Variants in CPS1 observed in about 807,000 individuals in gnomAD.
CPS1 encodes the protein carbamoyl-phosphate synthase [ammonia], mitochondrial.
CPS1 carries 109 observed loss-of-function variants against 174.6 expected under a neutral mutation model. That is an observed-to-expected ratio of 0.62 (90% confidence interval 0.53 to 0.73). The LOEUF is 0.73. CPS1 is among the 30% of genes least tolerant of loss of function. CPS1 has a pLI of 0.00. For missense variants in CPS1, 1,689 were observed against 1,821.9 expected, an observed-to-expected ratio of 0.93 and a Z score of 1.33; for synonymous variants, 637 against 632.0, an observed-to-expected ratio of 1.01 and a Z score of -0.12.
chr2:210,583,257 A>G (rs1180885946), intron 6 of CPS1, among the ~76,000 whole-genome samples: 1 of 152,204 alleles, frequency 6.6e-6, no homozygotes, highest in Non-Finnish European at 1.5e-5. Flanking sequence ...ATAAAAAGGT[A>G]AAGAATACAT....
rs553847255 is a variant in CPS1, at chr2:210,613,559, T to C, written c.2568+1266T>C. Among the ~76,000 whole-genome samples the C allele has an allele frequency of 4.2e-5, 6 of 141,388 alleles. No homozygotes were observed. The East Asian group carries it at 1.2e-3, about 28-fold the overall frequency. The allele number at this position is 141,388 out of a possible 152,430, so 92.8% of individuals were successfully genotyped here. A position where few individuals can be genotyped will look rare whatever the true frequency, so the allele number is the denominator to read the frequency against. ...TAAGAAGCAGCTCATGACATTCATA[T>C]GTGTGTGTGTGTGTGTATATATATA... On this transcript the variant is annotated intron_variant, in intron 20 of 37. Coordinates refer to ENST00000233072, the MANE Select transcript of CPS1 (RefSeq NM_001875.5).
chr2:210,655,807 T>G (rs1165681200), intron 29 of CPS1, among the ~76,000 whole-genome samples: 3 of 152,176 alleles, frequency 2.0e-5, no homozygotes, highest in Non-Finnish European at 2.9e-5. Flanking sequence ...GTAATTTATT[T>G]AAGTCTTTTA....
chr2:210,613,987 A>G (rs1185976810), intron 20 of CPS1, among the ~76,000 whole-genome samples: 1 of 151,934 alleles, frequency 6.6e-6, no homozygotes, highest in Non-Finnish European at 1.5e-5. Context: ...AAAAGAATGA[A>G]GGGAGTGTGT....
chr2:210,656,692 G>A, intron 30 of CPS1, 60 bp downstream of exon 30: 2 of 1,132,290 alleles, frequency 1.8e-6, no homozygotes, highest in Non-Finnish European at 2.6e-6. Flanking sequence ...AAACACCTAA[G>A]GTTTTTTTTT....
At chr2:210,537,812 T>C (rs1469118032) in intron 1 of CPS1, among the ~76,000 whole-genome samples, 2 of 147,526 alleles carry the variant, frequency 1.4e-5, no homozygotes, top group Non-Finnish European at 2.9e-5. Flanking sequence ...CTACAAGACA[T>C]GTGCTGTTTC....
intron 1 of CPS1, among the ~76,000 whole-genome samples, chr2:210,502,255 G>A (rs111470616): frequency 0.016 from 2,408 of 151,708 alleles, 50 homozygotes; most frequent in African/African-American, 0.05. Flanking sequence ...TTTCCTTCTC[G>A]AATTAATGCT....
intron 7 of CPS1, 144 bp downstream of exon 7, chr2:210,588,291 A>G: frequency 1.3e-6 from 1 of 769,206 alleles, no homozygotes; most frequent in East Asian, 2.7e-5. Context: ...GATTTACAAA[A>G]TAACACATTT....
chr2:210,522,477 T>C (rs942553012), intron 1 of CPS1, among the ~76,000 whole-genome samples: 5 of 151,910 alleles, frequency 3.3e-5, no homozygotes, highest in African/African-American at 1.2e-4. Context: ...GCCAAGAGAA[T>C]TGCATTTTCA....
At chr2:210,610,321 G>A (rs1021307413) in intron 19 of CPS1, among the ~76,000 whole-genome samples, 2 of 151,856 alleles carry the variant, frequency 1.3e-5, no homozygotes, top group Admixed American at 1.3e-4. Flanking sequence ...AAAGGTAGGG[G>A]GGAGTTTTGT....
intron 23 of CPS1, 26 bp from the exon 24 acceptor site, chr2:210,639,970 G>A (rs768355602): frequency 2.0e-6 from 3 of 1,535,486 alleles, no homozygotes; most frequent in Admixed American, 3.3e-5. Flanking sequence ...AATGATTTCT[G>A]CATCTTCCTT....
At chr2:210,516,544 A>G (rs1695686983) in intron 1 of CPS1, among the ~76,000 whole-genome samples, 1 of 151,878 alleles carries the variant, frequency 6.6e-6, no homozygotes, top group Non-Finnish European at 1.5e-5. Flanking sequence ...GATTTTTCTA[A>G]CACGCATATC....
intron 1 of CPS1, among the ~76,000 whole-genome samples, chr2:210,528,736 C>G (rs538952837): frequency 6.6e-6 from 1 of 151,038 alleles, no homozygotes; most frequent in Non-Finnish European, 1.5e-5. Flanking sequence ...CTCTATTTTC[C>G]TAATTACTTC....
chr2:210,564,749 T>G (rs1174424051), intron 1 of CPS1, among the ~76,000 whole-genome samples: 1 of 151,014 alleles, frequency 6.6e-6, no homozygotes, highest in Non-Finnish European at 1.5e-5. Flanking sequence ...TTCCAGCACT[T>G]TGGAAAGCCA....
At chr2:210,547,746 T>A (rs1228405315) in intron 1 of CPS1, among the ~76,000 whole-genome samples, 1 of 152,092 alleles carries the variant, frequency 6.6e-6, no homozygotes, top group Non-Finnish European at 1.5e-5. Flanking sequence ...TTTTTATTTG[T>A]CATTTATTTA....
intron 21 of CPS1, among the ~76,000 whole-genome samples, chr2:210,634,652 C>T (rs1357374792): frequency 1.3e-5 from 2 of 152,170 alleles, no homozygotes; most frequent in Non-Finnish European, 2.9e-5. Context: ...CAGCACCTCT[C>T]ATGATGTAGA....
chr2:210,660,851 T>A (rs1285471919), intron 32 of CPS1, among the ~76,000 whole-genome samples, 196 bp downstream of exon 32: 1 of 152,196 alleles, frequency 6.6e-6, no homozygotes, highest in Non-Finnish European at 1.5e-5. Flanking sequence ...TTCAAAAAAA[T>A]TTTTAAAACC....
intron 29 of CPS1, among the ~76,000 whole-genome samples, chr2:210,655,237 C>T (rs915830663): frequency 6.6e-6 from 1 of 152,070 alleles, no homozygotes; most frequent in Non-Finnish European, 1.5e-5. Flanking sequence ...GAACGTGATA[C>T]CTATATATGG....
intron 21 of CPS1, among the ~76,000 whole-genome samples, chr2:210,629,843 G>A (rs1344936471): frequency 6.8e-6 from 1 of 148,126 alleles, no homozygotes; most frequent in African/African-American, 2.5e-5. Context: ...GAGGTCAGGA[G>A]ATCGAGACCA....
intron 34 of CPS1, chr2:210,671,925 C>T (rs1218362435): frequency 6.6e-6 from 1 of 152,042 alleles, no homozygotes; most frequent in Non-Finnish European, 1.5e-5. Flanking sequence ...TAATGTTTTT[C>T]GTGGTGATTT....
Sources: gnomAD v4.1 joint callset for allele counts (sites outside exome capture counted in the v4.1 genomes callset) on GRCh38, gnomAD v4.1.1 for gene constraint, MANE v1.5 for transcripts, NCBI Gene and HGNC (gene_info 2026-07-23, HGNC 2026-07-21) for gene names.